The following PIK3R3 variants were observed in gnomAD, a reference collection of about 807,000 sequenced individuals.
The protein encoded by PIK3R3 is phosphoinositide-3-kinase regulatory subunit 3, also known as phosphatidylinositol 3-kinase regulatory subunit gamma.
PIK3R3 carries 64 observed loss-of-function variants against 62.9 expected under a neutral mutation model. The ratio of observed to expected loss-of-function variants is 1.02; its 90% CI spans 0.83 to 1.25. The LOEUF is 1.25. Among genes scored for constraint, PIK3R3 ranks in the 50% most tolerant of loss-of-function variants. The pLI is 0.00. For missense variants in PIK3R3, 614 were observed against 561.6 expected (o/e 1.09, Z -0.94); for synonymous variants, 165 against 189.0 (o/e 0.87, Z 1.04).
In PIK3R3 at chr1:46,042,254, G is replaced by A. The variant is rs1302555532; in HGVS notation, c.*1419C>T. On this transcript the variant is annotated 3_prime_UTR_variant, in exon 10 of 10. Coordinates refer to ENST00000262741, the MANE Select transcript of PIK3R3 (RefSeq NM_003629.4). The surrounding 1 kb of genome is among the most constrained non-coding windows in gnomAD (Gnocchi z 4.3). ...TCAGCTGGAAGGCTTAAGCCACATG[G>A]AGCAGAAGATTCCTGGCCTAAAATC... 1.3e-5 allele frequency: 3 copies of A among 227,536 alleles called. No individual in the cohort carries two copies. The highest frequency in any genetic ancestry group is 5.7e-5 in the Admixed American group (1 of 17,568). The allele number at this position is 227,536 out of a possible 1,614,324, so 14.1% of individuals were successfully genotyped here. A position where few individuals can be genotyped will look rare whatever the true frequency, so the allele number is the denominator to read the frequency against.
chr1:46,158,513 C>T, the PIK3R3 span, among the ~76,000 whole-genome samples: 2 of 152,232 alleles, frequency 1.3e-5, no homozygotes, highest in African/African-American at 4.8e-5. Context: ...GAGCACTGCA[C>T]TTGTTATTCT....
intron 1 of PIK3R3, among the ~76,000 whole-genome samples, chr1:46,122,183 A>G (rs902143060): frequency 2.6e-5 from 4 of 152,194 alleles, no homozygotes; most frequent in Admixed American, 6.5e-5. Context: ...GGAACAATAC[A>G]TACAACATAT....
intron 1 of PIK3R3, 22 bp from the exon 2 acceptor site, chr1:46,080,772 C>G: frequency 1.4e-6 from 2 of 1,467,826 alleles, no homozygotes; most frequent in South Asian, 1.1e-5. Context: ...ATGAATATTA[C>G]TCTGTAGATG....
the PIK3R3 span, among the ~76,000 whole-genome samples, chr1:46,152,531 T>C: frequency 6.6e-6 from 1 of 151,696 alleles, no homozygotes; most frequent in Non-Finnish European, 1.5e-5. Flanking sequence ...TTCCCTGGTA[T>C]CTCCCTTGGA....
chr1:46,168,872 A>G, the PIK3R3 span, among the ~76,000 whole-genome samples: 1 of 151,976 alleles, frequency 6.6e-6, no homozygotes, highest in Non-Finnish European at 1.5e-5. Flanking sequence ...CACTATCTCC[A>G]GGAACAGTGG....
the PIK3R3 span, among the ~76,000 whole-genome samples, chr1:46,144,984 G>T: frequency 6.6e-6 from 1 of 151,458 alleles, no homozygotes; most frequent in African/African-American, 2.4e-5. Flanking sequence ...TTAGCCAGGT[G>T]TGATGGCGCA....
In PIK3R3 at chr1:46,101,511, C is replaced by T. The variant is rs183127103; in HGVS notation, c.107-20761G>A. Among the ~76,000 whole-genome samples, 846 of 152,048 alleles carry T rather than the reference C, an allele frequency of 5.6e-3. 6 individuals carry two copies. The highest frequency in any genetic ancestry group is 7.5e-3 in the Non-Finnish European group (508 of 67,982). On this transcript the variant is annotated intron_variant, in intron 1 of 9. Coordinates refer to ENST00000262741, the MANE Select transcript of PIK3R3 (RefSeq NM_003629.4). The stretch of plus-strand genomic sequence containing the variant: ...ACAGCAAGACTCTGTTTCAAAGAAG[C>T]AAACAAACAACAACACAAAAAAAAC...
At chr1:46,073,619 T>C (rs1649746859) in intron 3 of PIK3R3, among the ~76,000 whole-genome samples, 1 of 151,878 alleles carries the variant, frequency 6.6e-6, no homozygotes, top group African/African-American at 2.4e-5. Context: ...AAATAAACCG[T>C]TGCCTTTCTT....
intron 5 of PIK3R3, among the ~76,000 whole-genome samples, chr1:46,062,395 CA>C (rs1163869247): frequency 4.6e-5 from 7 of 151,584 alleles, no homozygotes; most frequent in South Asian, 2.1e-4. Flanking sequence ...GCCAACATGG[CA>C]AAACCCCGTC....
At chr1:46,168,721 T>G in the PIK3R3 span, among the ~76,000 whole-genome samples, 2 of 152,324 alleles carry the variant, frequency 1.3e-5, no homozygotes, top group Admixed American at 6.5e-5. Context: ...CACATCATGA[T>G]GCTATCCCAG....
intron 4 of PIK3R3, 152 bp downstream of exon 4, chr1:46,066,759 C>T (rs1649028567): frequency 2.9e-6 from 2 of 686,928 alleles, no homozygotes; most frequent in Non-Finnish European, 5.0e-6. Context: ...CCACTGCAAT[C>T]CAGCCTGGGC....
At chr1:46,099,685 T>C (rs935419270) in intron 1 of PIK3R3, among the ~76,000 whole-genome samples, 4 of 152,360 alleles carry the variant, frequency 2.6e-5, no homozygotes, top group East Asian at 1.9e-4. Context: ...TTTCTGCTTT[T>C]ACAAACAATG....
At chr1:46,114,885 GA>G (rs1341180477) in intron 1 of PIK3R3, among the ~76,000 whole-genome samples, 1 of 151,578 alleles carries the variant, frequency 6.6e-6, no homozygotes, top group African/African-American at 2.4e-5. Flanking sequence ...ACAGTGCTGG[GA>G]TTACAGGCAT....
In PIK3R3 at chr1:46,041,776, GTTCA is replaced by G. The variant is rs1235519455; in HGVS notation, c.*1893_*1896del. 2 of 206,634 alleles carry G rather than the reference GTTCA, an allele frequency of 9.7e-6. No homozygotes were observed. The highest frequency in any genetic ancestry group is 2.3e-5 in the African/African-American group (1 of 43,852). The allele number at this position is 206,634 out of a possible 1,614,324, so 12.8% of individuals were successfully genotyped here. ...ATTAGTTAAATGACTTTAGAGGGGG[GTTCA>G]TTTGTCTCTGTCTCACCCAATCCTG... On this transcript the variant is annotated 3_prime_UTR_variant, in exon 10 of 10. Transcript: ENST00000262741.
At position 46,132,007 on chromosome 1, in the gene PIK3R3, C is replaced by G; in HGVS notation, c.-55G>C. On this transcript the variant is annotated 5_prime_UTR_variant, in exon 1 of 10. Transcript: ENST00000262741. ...TATATAGAAGGCATATATTTTTTAT[C>G]TGGTATTTAAAAATCTAAAAATATA... is the stretch of plus-strand genomic sequence containing the variant. The G allele has an allele frequency of 9.5e-6, 15 of 1,584,344 alleles. No individual in the cohort carries two copies. Among genetic ancestry groups the G allele is most frequent in the Non-Finnish European group, 1.3e-5 (15 of 1,170,282 alleles).
intron 1 of PIK3R3, among the ~76,000 whole-genome samples, chr1:46,092,488 C>T (rs1362231453): frequency 1.3e-5 from 2 of 152,138 alleles, no homozygotes; most frequent in Admixed American, 6.5e-5. Flanking sequence ...CTCAGCCTCC[C>T]GAGTAGCTGG....
chr1:46,155,755 C>T, the PIK3R3 span, among the ~76,000 whole-genome samples: 6 of 152,262 alleles, frequency 3.9e-5, no homozygotes, highest in African/African-American at 7.2e-5. Flanking sequence ...AGCCACCATG[C>T]CCAGCCTAAT....
At chr1:46,077,473 A>G in intron 3 of PIK3R3, 42 bp downstream of exon 3, 1 of 976,426 alleles carries the variant, frequency 1.0e-6, no homozygotes, top group South Asian at 1.3e-5. Context: ...GAACTAAAAT[A>G]ACATCAGTAG....
At chr1:46,104,962 T>C in intron 1 of PIK3R3, 2 of 583,772 alleles carry the variant, frequency 3.4e-6, no homozygotes, top group Admixed American at 5.0e-5. Context: ...ACACACTAAG[T>C]CATCTCCAAG....
Sources: allele counts gnomAD v4.1 joint callset (sites outside exome capture counted in the v4.1 genomes callset), GRCh38; gene constraint gnomAD v4.1.1; non-coding constraint Gnocchi (gnomAD v3.1); transcripts MANE v1.5; gene names NCBI Gene and HGNC (gene_info 2026-07-23, HGNC 2026-07-21).